THRB: variants seen among roughly 807,000 people sequenced by gnomAD.
THRB encodes thyroid hormone receptor beta.
THRB carries 12 observed loss-of-function variants against 47.8 expected under a neutral mutation model. That is an observed-to-expected ratio of 0.25 (90% CI 0.16 to 0.41). The LOEUF is 0.41. Among genes scored for constraint, THRB ranks in the 10% least tolerant of loss-of-function variants. The pLI is 1.00. For synonymous variants in THRB, 218 were observed against 212.2 expected, an observed-to-expected ratio of 1.03 and a Z score of -0.24; for missense variants, 348 against 589.2, an observed-to-expected ratio of 0.59 and a Z score of 4.24.
At chr3:24,445,137 C>T (rs2071942341) in intron 1 of THRB, among the ~76,000 whole-genome samples, 1 of 151,890 alleles carries the variant, frequency 6.6e-6, no homozygotes, top group Admixed American at 6.6e-5. Context: ...TAGATTTAAT[C>T]AAAAAGTCAG....
chr3:24,138,876 T>C (rs1448975408), intron 8 of THRB, among the ~76,000 whole-genome samples: 1 of 152,236 alleles, frequency 6.6e-6, no homozygotes, highest in Non-Finnish European at 1.5e-5. Context: ...CATTTTATAC[T>C]TGGGTAGACA....
chr3:24,385,010 T>C (rs1038577531), intron 1 of THRB, among the ~76,000 whole-genome samples: 2 of 152,090 alleles, frequency 1.3e-5, no homozygotes, highest in African/African-American at 4.8e-5. Context: ...AAACAAAATT[T>C]AAGTAAAAGT....
chr3:24,366,822 T>C (rs1032519124), intron 1 of THRB, among the ~76,000 whole-genome samples: 2 of 152,012 alleles, frequency 1.3e-5, no homozygotes, highest in African/African-American at 4.8e-5. Flanking sequence ...AGTTTCACCA[T>C]GTTGGCTAGG....
At chr3:24,150,360 A>C (rs566681099) in intron 6 of THRB, among the ~76,000 whole-genome samples, 2 of 152,306 alleles carry the variant, frequency 1.3e-5, no homozygotes, top group South Asian at 2.1e-4. Flanking sequence ...GTCTTTTTCC[A>C]AGATGCTTTG....
intron 1 of THRB, among the ~76,000 whole-genome samples, chr3:24,389,604 T>C (rs1453779548): frequency 6.6e-6 from 1 of 152,188 alleles, no homozygotes; most frequent in Non-Finnish European, 1.5e-5. Flanking sequence ...TAATCTGTTG[T>C]TCTCTAATGG....
chr3:24,254,347 A>T (rs747620596), intron 3 of THRB, among the ~76,000 whole-genome samples: 4 of 150,722 alleles, frequency 2.7e-5, no homozygotes, highest in Non-Finnish European at 4.4e-5. Flanking sequence ...GTGAGCCCAG[A>T]TTGTGGCACT....
chr3:24,269,434 C>CAA (rs1559784193), intron 3 of THRB, among the ~76,000 whole-genome samples: 7 of 127,232 alleles, frequency 5.5e-5, no homozygotes, highest in African/African-American at 2.0e-4. Flanking sequence ...CACACACACA[C>CAA]ACACACACTT....
rs553921974 is a variant in THRB at position 24,211,516 on chromosome 3, C to G, written c.22+17422G>C. 3.9e-5 allele frequency among the ~76,000 whole-genome samples: 6 copies of G among 152,220 alleles called. No homozygotes were observed. The South Asian group carries it at 1.0e-3, about 26-fold the overall frequency. On this transcript the variant is annotated intron_variant, in intron 4 of 10. Transcript: ENST00000646209. The stretch of plus-strand genomic sequence containing the variant: ...CCTGTCACCGTAAACCTCAGGCTGT[C>G]TTCTCTCTGGACTGCCGTGGACCTA...
chr3:24,311,554 C>G (rs2057760501), intron 2 of THRB, among the ~76,000 whole-genome samples: 1 of 152,122 alleles, frequency 6.6e-6, no homozygotes, highest in African/African-American at 2.4e-5. Flanking sequence ...CTATCTTTCC[C>G]TAAGCCCCTT....
intron 2 of THRB, among the ~76,000 whole-genome samples, chr3:24,308,379 C>T (rs566479083): frequency 3.3e-5 from 5 of 152,200 alleles, no homozygotes; most frequent in African/African-American, 7.2e-5. Flanking sequence ...TAGGGTGTTA[C>T]GAAGGTTTTA....
At chr3:24,317,080 A>G (rs1209859395) in intron 2 of THRB, among the ~76,000 whole-genome samples, 1 of 152,216 alleles carries the variant, frequency 6.6e-6, no homozygotes, top group Non-Finnish European at 1.5e-5. Context: ...CAGTTGCTCA[A>G]CAAAGGTTTG....
At chr3:24,342,125 C>G (rs2062696599) in intron 1 of THRB, among the ~76,000 whole-genome samples, 1 of 143,984 alleles carries the variant, frequency 6.9e-6, no homozygotes, top group African/African-American at 2.6e-5. Context: ...CACTAGATAA[C>G]TGATAGAGGG....
intron 1 of THRB, among the ~76,000 whole-genome samples, chr3:24,471,600 G>T (rs567350997): frequency 5.9e-5 from 9 of 151,996 alleles, no homozygotes; most frequent in African/African-American, 1.9e-4. Context: ...CAGCTTTGTG[G>T]CCCTTGAACA....
At chr3:24,230,869 C>G (rs1171818349) in intron 3 of THRB, among the ~76,000 whole-genome samples, 1 of 152,166 alleles carries the variant, frequency 6.6e-6, no homozygotes, top group Non-Finnish European at 1.5e-5. Flanking sequence ...GAGATATTAT[C>G]TAGTTCCTCT....
At chr3:24,493,843 T>C (rs555622620) in intron 1 of THRB, among the ~76,000 whole-genome samples, 14 of 152,358 alleles carry the variant, frequency 9.2e-5, no homozygotes, top group Middle Eastern at 3.4e-3. Context: ...ACAATGGTCA[T>C]TGGGAAATCC....
chr3:24,231,711 C>T (rs1171885510), intron 3 of THRB, among the ~76,000 whole-genome samples: 2 of 152,112 alleles, frequency 1.3e-5, no homozygotes, highest in Non-Finnish European at 2.9e-5. Context: ...TGTCCCGGGG[C>T]CTCCTTTCCT....
At position 24,122,686 on chromosome 3, in the gene THRB, A is replaced by C. The variant is rs1332084267; in HGVS notation, c.*198T>G. On this transcript the variant is annotated 3_prime_UTR_variant, in exon 11 of 11. Coordinates refer to ENST00000646209, the MANE Select transcript of THRB (RefSeq NM_001354712.2). Reference sequence around the variant, plus strand: ...ACCTTCAGAGCATTCACATCACAGGACCGGAGAACGAAATGCAATAGTTTC... The same window carrying C: ...ACCTTCAGAGCATTCACATCACAGGCCCGGAGAACGAAATGCAATAGTTTC... The C allele has an allele frequency of 1.5e-6, 1 of 680,398 alleles. No individual in the cohort carries two copies. Among genetic ancestry groups the C allele is most frequent in the Admixed American group, 2.5e-5 (1 of 40,028 alleles). 42.1% of individuals were successfully genotyped at this position (680,398 alleles called of 1,614,324 possible).
intron 3 of THRB, among the ~76,000 whole-genome samples, chr3:24,270,062 T>C (rs560587091): frequency 6.6e-6 from 1 of 152,320 alleles, no homozygotes; most frequent in South Asian, 2.1e-4. Flanking sequence ...CTTTTTTTAA[T>C]GTGGTCACAC....
At chr3:24,133,217 C>A in intron 9 of THRB, 99 bp downstream of exon 9, 1 of 1,362,414 alleles carries the variant, frequency 7.3e-7, no homozygotes, top group Non-Finnish European at 1.0e-6. Context: ...TGATTAAGTC[C>A]CTACTAATTA....
Sources: allele counts gnomAD v4.1 joint callset (sites outside exome capture counted in the v4.1 genomes callset), GRCh38; gene constraint gnomAD v4.1.1; transcripts MANE v1.5; gene names NCBI Gene and HGNC (gene_info 2026-07-23, HGNC 2026-07-21).